Variants in PARP15 observed in about 807,000 individuals in gnomAD.
PARP15 encodes the protein poly(ADP-ribose) polymerase family member 15.
A neutral mutation model predicts 62.1 loss-of-function variants in PARP15; 50 were observed. The observed-to-expected ratio is 0.81, with a 90% CI of 0.64 to 1.02. The LOEUF (loss-of-function observed/expected upper bound fraction) is 1.02, where lower values mean the gene tolerates loss of function less well. Ranked by LOEUF, PARP15 falls within the 50% of genes least tolerant of loss-of-function variation. The pLI, the probability that PARP15 is intolerant of heterozygous loss-of-function variation, is 0.00. For synonymous variants in PARP15, 309 were observed against 293.1 expected (o/e 1.05, Z -0.55); for missense variants, 820 against 826.5 (o/e 0.99, Z 0.10).
chr3:122,597,730 A>G (rs1934470340), intron 1 of PARP15, among the ~76,000 whole-genome samples: 2 of 152,178 alleles, frequency 1.3e-5, no homozygotes, highest in Non-Finnish European at 2.9e-5. Flanking sequence ...CTATACATAT[A>G]GATTTTATAT....
chr3:122,635,595 T>C (rs1937312469), intron 11 of PARP15, among the ~76,000 whole-genome samples: 1 of 152,064 alleles, frequency 6.6e-6, no homozygotes, highest in Non-Finnish European at 1.5e-5. Flanking sequence ...TTTATTTTTG[T>C]AGAGAAGGGG....
chr3:122,583,830 G>C (rs1933178246), intron 1 of PARP15, among the ~76,000 whole-genome samples: 1 of 152,114 alleles, frequency 6.6e-6, no homozygotes, highest in African/African-American at 2.4e-5. Flanking sequence ...ACTCAAGGGG[G>C]ATCCTCTGTA....
intron 6 of PARP15, 45 bp from the exon 7 acceptor site, chr3:122,619,736 T>C (rs1249318623): frequency 1.3e-6 from 2 of 1,481,710 alleles, no homozygotes; most frequent in Non-Finnish European, 1.9e-6. Context: ...TAACCACTTA[T>C]TGAATTCTAA....
At chr3:122,599,867 A>C (rs1378721705) in intron 1 of PARP15, among the ~76,000 whole-genome samples, 3 of 152,218 alleles carry the variant, frequency 2.0e-5, no homozygotes, top group Non-Finnish European at 4.4e-5. Context: ...GAACCATTGC[A>C]CCAGGCTTGT....
chr3:122,593,297 C>G (rs892817695), intron 1 of PARP15, among the ~76,000 whole-genome samples: 2 of 152,040 alleles, frequency 1.3e-5, no homozygotes, highest in African/African-American at 4.8e-5. Flanking sequence ...CGCCACCATG[C>G]CTGGCTAATT....
chr3:122,593,090 G>GTCTATATCTATCTATCTA (rs1934054855), intron 1 of PARP15, among the ~76,000 whole-genome samples: 3 of 147,752 alleles, frequency 2.0e-5, no homozygotes, highest in African/African-American at 7.6e-5. Flanking sequence ...AAAATTATCT[G>GTCTATATCTATCTATCTA]TCTATCTATC....
rs1023586543 is a variant in PARP15, at chr3:122,608,215, T to C, written c.306+2160T>C. On this transcript the variant is annotated intron_variant, in intron 2 of 11. Coordinates refer to ENST00000464300, the MANE Select transcript of PARP15 (RefSeq NM_001113523.3). ...CTTTCTTTTTTTCTTTCTCTTTTCT[T>C]TTTTTTTTTTTTTTTTTTTGATACT... Among the ~76,000 whole-genome samples, 8 of 130,576 alleles carry C rather than the reference T, an allele frequency of 6.1e-5. No homozygotes were observed. The East Asian group carries it at 8.0e-4, about 13-fold the overall frequency. The allele number at this position is 130,576 out of a possible 152,430, so 85.7% of individuals were successfully genotyped here. A position where few individuals can be genotyped will look rare whatever the true frequency, so the allele number is the denominator to read the frequency against.
intron 1 of PARP15, among the ~76,000 whole-genome samples, chr3:122,603,189 G>A (rs549803360): frequency 6.6e-6 from 1 of 152,242 alleles, no homozygotes; most frequent in South Asian, 2.1e-4. Flanking sequence ...ACCACTCCTG[G>A]TGGCCCTGGA....
chr3:122,591,692 C>T (rs552308128), intron 1 of PARP15, among the ~76,000 whole-genome samples: 82 of 131,538 alleles, frequency 6.2e-4, no homozygotes, highest in African/African-American at 2.2e-3. Context: ...ACCAGGGAGG[C>T]GGTTATTGCA....
chr3:122,617,932 A>G (rs1270952721), intron 6 of PARP15, among the ~76,000 whole-genome samples: 2 of 152,126 alleles, frequency 1.3e-5, no homozygotes, highest in East Asian at 1.9e-4. Flanking sequence ...GGGTTTTGCC[A>G]TGTTGGCCAA....
chr3:122,594,648 T>A, intron 1 of PARP15: 2 of 918,184 alleles, frequency 2.2e-6, no homozygotes, highest in African/African-American at 1.8e-5. Flanking sequence ...CTAATTTTAA[T>A]TTGTGGTTAT....
chr3:122,579,993 C>CTGTATG (rs2080764154), intron 1 of PARP15, among the ~76,000 whole-genome samples: 1 of 70,828 alleles, frequency 1.4e-5, no homozygotes, highest in Non-Finnish European at 3.0e-5. Context: ...ACAACAGCAA[C>CTGTATG]TATATGTATA....
At position 122,590,526 on chromosome 3, in the gene PARP15, G is replaced by A. The variant is rs184856822; in HGVS notation, c.186+12673G>A. On this transcript the variant is annotated intron_variant, in intron 1 of 11. Coordinates refer to ENST00000464300, the MANE Select transcript of PARP15 (RefSeq NM_001113523.3). ...CCTGACCTCGTGATCCACCTGCCTC[G>A]GCCTCCCAAAGTGCTGGGATTACAG... Among the ~76,000 whole-genome samples the A allele has an allele frequency of 4.5e-3, 688 of 152,154 alleles. 5 individuals carry two copies. Among genetic ancestry groups the A allele is most frequent in the African/African-American group, 0.016 (663 of 41,480 alleles).
chr3:122,593,168 T>G (rs1368892651), intron 1 of PARP15, among the ~76,000 whole-genome samples: 1 of 113,402 alleles, frequency 8.8e-6, no homozygotes, highest in Admixed American at 9.8e-5. Context: ...AGACAGAGTC[T>G]CCCTCTGTCG....
chr3:122,621,327 A>G, intron 7 of PARP15, 117 bp from the exon 8 acceptor site: 1 of 1,107,170 alleles, frequency 9.0e-7, no homozygotes, highest in African/African-American at 1.6e-5. Context: ...AACAAGCTCG[A>G]GTGAGACTGG....
rs141504356 is a variant in PARP15, at chr3:122,587,158, T to C, written c.186+9305T>C. On this transcript the variant is annotated intron_variant, in intron 1 of 11. Coordinates refer to ENST00000464300, the MANE Select transcript of PARP15 (RefSeq NM_001113523.3). ...CTTTTTAGCACTAAATGATAGTCCC[T>C]TGTTTGAATGTACTGTAGATTATGT... is the stretch of plus-strand genomic sequence containing the variant. Among the ~76,000 whole-genome samples, 710 of 152,356 alleles carry C rather than the reference T, an allele frequency of 4.7e-3. 5 individuals carry two copies. Among genetic ancestry groups the C allele is most frequent in the African/African-American group, 0.016 (683 of 41,586 alleles).
chr3:122,632,100 C>A lies in PARP15; in HGVS notation c.1453C>A (p.His485Asn). 6.2e-7 allele frequency: 1 copy of A among 1,614,046 alleles called. No individual in the cohort carries two copies. The highest frequency in any genetic ancestry group is 8.5e-7 in the Non-Finnish European group (1 of 1,179,962). ...TGACTTTCCAGGTAATCTTCCTGAA[C>A]ACTGGACTGACATGAATCATCAGCT... is the stretch of plus-strand genomic sequence containing the variant. The part of the protein sequence containing the change: ...FSMTTCNLPE[H>N]WTDMNHQLFC... Residue 485 changes from histidine (H) to asparagine (N), a missense_variant, in exon 10 of 12, where the codon CAC becomes AAC. Physicochemically the swap from His to Asn is moderately conservative, Grantham distance 68. Coordinates refer to ENST00000464300, the MANE Select transcript of PARP15 (RefSeq NM_001113523.3).
chr3:122,633,751 A>C (rs1937190955), intron 10 of PARP15, among the ~76,000 whole-genome samples: 1 of 152,168 alleles, frequency 6.6e-6, no homozygotes, highest in African/African-American at 2.4e-5. Flanking sequence ...AGGTCCTGGA[A>C]CCAATCCTCC....
chr3:122,579,602 C>T (rs937720203), intron 1 of PARP15, among the ~76,000 whole-genome samples: 4 of 152,188 alleles, frequency 2.6e-5, no homozygotes, highest in Non-Finnish European at 5.9e-5. Context: ...TTAGGTATCA[C>T]TAATTTGCTA....
Sources: gnomAD v4.1 joint callset for allele counts (sites outside exome capture counted in the v4.1 genomes callset) on GRCh38, gnomAD v4.1.1 for gene constraint, MANE v1.5 for transcripts, NCBI Gene and HGNC (gene_info 2026-07-23, HGNC 2026-07-21) for gene names.